The following GPHN variants were observed in gnomAD, a reference collection of about 807,000 sequenced individuals.
GPHN encodes gephyrin.
GPHN carries 17 observed loss-of-function variants against 95.5 expected under a neutral mutation model. The observed-to-expected ratio is 0.18, with a 90% CI of 0.12 to 0.27. The LOEUF (loss-of-function observed/expected upper bound fraction) is 0.27. GPHN is among the 10% of genes least tolerant of loss of function. The pLI is 1.00. For synonymous variants in GPHN, 320 were observed against 322.5 expected, an observed-to-expected ratio of 0.99 and a Z score of 0.08; for missense variants, 660 against 978.1, an observed-to-expected ratio of 0.67 and a Z score of 4.34.
chr14:66,587,906 C>G (rs1242938571), intron 1 of GPHN, among the ~76,000 whole-genome samples: 1 of 152,184 alleles, frequency 6.6e-6, no homozygotes, highest in Non-Finnish European at 1.5e-5. Context: ...GGACTGCCTC[C>G]TCAAGTGGGT....
At chr14:67,417,547 T>A in the GPHN span, among the ~76,000 whole-genome samples, 1 of 151,766 alleles carries the variant, frequency 6.6e-6, no homozygotes, top group South Asian at 2.1e-4. Flanking sequence ...TCCCCCTACC[T>A]CAGCCTCCTG....
chr14:67,276,794 A>G, the GPHN span, among the ~76,000 whole-genome samples: 1 of 152,208 alleles, frequency 6.6e-6, no homozygotes, highest in African/African-American at 2.4e-5. Context: ...GATAGTAAAT[A>G]GTACAAGCAT....
chr14:67,534,659 A>G, the GPHN span, among the ~76,000 whole-genome samples: 2 of 152,092 alleles, frequency 1.3e-5, no homozygotes, highest in Non-Finnish European at 1.5e-5. Flanking sequence ...GAGTTGGGCA[A>G]TTGTGGGGTG....
intron 11 of GPHN, among the ~76,000 whole-genome samples, chr14:67,075,268 C>T (rs986480018): frequency 2.0e-5 from 3 of 152,166 alleles, no homozygotes; most frequent in Non-Finnish European, 2.9e-5. Context: ...GATAGTACAT[C>T]TTTTTGCAGG....
chr14:66,667,460 A>G (rs1052807988), intron 1 of GPHN, among the ~76,000 whole-genome samples: 10 of 152,162 alleles, frequency 6.6e-5, no homozygotes, highest in African/African-American at 2.4e-4. Context: ...ATAGACACAT[A>G]ACCAAAGGAA....
the GPHN span, among the ~76,000 whole-genome samples, chr14:67,707,335 C>T: frequency 1.3e-5 from 2 of 152,224 alleles, no homozygotes; most frequent in Non-Finnish European, 2.9e-5. Context: ...AATCTTTTCT[C>T]TCTCCAGTTT....
intron 2 of GPHN, among the ~76,000 whole-genome samples, chr14:66,762,862 C>T (rs890551269): frequency 4.6e-5 from 7 of 152,158 alleles, no homozygotes; most frequent in African/African-American, 1.7e-4. Context: ...CTAAGGATGA[C>T]TGTATTTACC....
chr14:66,522,866 A>G (rs2058539348), intron 1 of GPHN, among the ~76,000 whole-genome samples: 1 of 152,000 alleles, frequency 6.6e-6, no homozygotes, highest in Non-Finnish European at 1.5e-5. Context: ...TATGATAGCA[A>G]AGACTAGAAA....
chr14:67,515,368 G>A, the GPHN span: 3 of 174,376 alleles, frequency 1.7e-5, no homozygotes, highest in African/African-American at 7.2e-5. Context: ...GCGGGGTCCG[G>A]GGGGCTGCAG....
At chr14:66,975,642 G>A (rs1051337031) in intron 9 of GPHN, among the ~76,000 whole-genome samples, 2 of 152,184 alleles carry the variant, frequency 1.3e-5, no homozygotes, top group African/African-American at 4.8e-5. Context: ...CACTTTGGGA[G>A]GCCAAGGAGG....
intron 3 of GPHN, among the ~76,000 whole-genome samples, chr14:66,777,085 A>T (rs1447827927): frequency 6.0e-5 from 8 of 133,344 alleles, no homozygotes; most frequent in African/African-American, 2.2e-4. Flanking sequence ...AAGACTAATA[A>T]AAAAAAAAAA....
intron 1 of GPHN, among the ~76,000 whole-genome samples, chr14:66,580,661 A>G (rs2061122630): frequency 6.6e-6 from 1 of 151,830 alleles, no homozygotes; most frequent in African/African-American, 2.4e-5. Flanking sequence ...CTACTAATTA[A>G]GGAAGTTGAA....
the GPHN span, among the ~76,000 whole-genome samples, chr14:67,512,918 C>T: frequency 6.6e-6 from 1 of 152,190 alleles, no homozygotes; most frequent in African/African-American, 2.4e-5. Flanking sequence ...CTTTGCCTAT[C>T]ACAAAAGCTG....
At chr14:67,698,893 G>A in the GPHN span, among the ~76,000 whole-genome samples, 1 of 152,136 alleles carries the variant, frequency 6.6e-6, no homozygotes, top group Admixed American at 6.5e-5. Context: ...ACAGTGGGCT[G>A]CATTTGGCCT....
chr14:67,069,075 C>G (rs2076179696), intron 11 of GPHN, among the ~76,000 whole-genome samples: 1 of 152,150 alleles, frequency 6.6e-6, no homozygotes, highest in Non-Finnish European at 1.5e-5. Flanking sequence ...CTTTTACTTG[C>G]TCTACCTTTT....
chr14:67,243,553 C>T, the GPHN span, among the ~76,000 whole-genome samples: 7 of 137,610 alleles, frequency 5.1e-5, no homozygotes, highest in African/African-American at 1.4e-4. Flanking sequence ...AGTGCAGTGG[C>T]GCAATCTCGG....
At chr14:66,973,148 A>G (rs191849190) in intron 9 of GPHN, among the ~76,000 whole-genome samples, 1 of 151,986 alleles carries the variant, frequency 6.6e-6, no homozygotes, top group South Asian at 2.1e-4. Flanking sequence ...TTATATATAT[A>G]TTTTTTTTCC....
At chr14:67,285,591 G>C in the GPHN span, among the ~76,000 whole-genome samples, 1 of 143,676 alleles carries the variant, frequency 7.0e-6, no homozygotes, top group South Asian at 2.3e-4. Context: ...GGATGGTCTC[G>C]ATCTCTGATC....
At chr14:67,549,666 T>G in the GPHN span, among the ~76,000 whole-genome samples, 2 of 152,240 alleles carry the variant, frequency 1.3e-5, no homozygotes, top group Non-Finnish European at 2.9e-5. Flanking sequence ...AGTTCTGTAG[T>G]GCTCGTGAAC....
Sources: gnomAD v4.1 joint callset for allele counts (sites outside exome capture counted in the v4.1 genomes callset) on GRCh38, gnomAD v4.1.1 for gene constraint, MANE v1.5 for transcripts, NCBI Gene and HGNC (gene_info 2026-07-23, HGNC 2026-07-21) for gene names.